GRIP1: variants seen among roughly 807,000 people sequenced by gnomAD.
GRIP1 encodes the protein glutamate receptor-interacting protein 1.
Under a neutral mutation model 129.9 loss-of-function variants are expected in GRIP1, and 45 were observed. The ratio of observed to expected loss-of-function variants is 0.35; its 90% CI spans 0.27 to 0.44. The LOEUF (loss-of-function observed/expected upper bound fraction) is 0.44. Ranked by LOEUF, GRIP1 falls within the 20% of genes least tolerant of loss-of-function variation. The pLI is 1.00. For missense variants in GRIP1, 1,196 were observed against 1,396.8 expected (o/e 0.86, Z 2.29); for synonymous variants, 530 against 520.8 (o/e 1.02, Z -0.24).
intron 1 of GRIP1, among the ~76,000 whole-genome samples, chr12:66,733,934 A>G (rs2036516743): frequency 6.6e-6 from 1 of 152,302 alleles, no homozygotes; most frequent in Admixed American, 6.5e-5. Flanking sequence ...CTGTGGCACT[A>G]TCACCACAGG....
chr12:66,416,942 G>GAC (rs138385858), intron 15 of GRIP1, among the ~76,000 whole-genome samples: 2,207 of 149,360 alleles, frequency 0.015, 49 homozygotes, highest in African/African-American at 0.049. Context: ...ACCAGACAAA[G>GAC]ACACACACAC....
chr12:66,424,570 C>T (rs766236387), intron 14 of GRIP1, among the ~76,000 whole-genome samples: 13 of 152,180 alleles, frequency 8.5e-5, no homozygotes, highest in Non-Finnish European at 1.8e-4. Flanking sequence ...CTTGTCCCCC[C>T]ATTTTCCCAA....
At chr12:67,006,391 C>T (rs889787130) in intron 1 of GRIP1, among the ~76,000 whole-genome samples, 5 of 151,936 alleles carry the variant, frequency 3.3e-5, no homozygotes, top group African/African-American at 1.2e-4. Context: ...ATAGTGAGAC[C>T]CGTCTCTACA....
chr12:66,490,429 C>G (rs907594668), intron 7 of GRIP1, among the ~76,000 whole-genome samples: 1 of 152,066 alleles, frequency 6.6e-6, no homozygotes, highest in Non-Finnish European at 1.5e-5. Context: ...TAGCCATAGG[C>G]AGAAAATTGA....
At chr12:66,355,051 A>G (rs2054413711) in intron 23 of GRIP1, among the ~76,000 whole-genome samples, 1 of 152,178 alleles carries the variant, frequency 6.6e-6, no homozygotes. Flanking sequence ...CCTGCCACTA[A>G]ACATGCACCT....
intron 1 of GRIP1, among the ~76,000 whole-genome samples, chr12:66,991,555 C>T (rs537515729): frequency 6.6e-6 from 1 of 152,302 alleles, no homozygotes; most frequent in Non-Finnish European, 1.5e-5. Context: ...TTTCTGCAAA[C>T]ATCCATCATT....
chr12:66,512,008 A>C (rs1214747868), intron 7 of GRIP1, among the ~76,000 whole-genome samples: 2 of 152,112 alleles, frequency 1.3e-5, no homozygotes, highest in East Asian at 3.9e-4. Flanking sequence ...AGTTCTCACA[A>C]GATCTGATGG....
At chr12:66,454,429 G>C (rs1592353538) in intron 11 of GRIP1, among the ~76,000 whole-genome samples, 1 of 152,118 alleles carries the variant, frequency 6.6e-6, no homozygotes, top group Admixed American at 6.5e-5. Flanking sequence ...CATCAAAAGG[G>C]ATACATGACA....
intron 1 of GRIP1, among the ~76,000 whole-genome samples, chr12:66,744,684 A>G (rs574041328): frequency 6.6e-6 from 1 of 152,250 alleles, no homozygotes; most frequent in Admixed American, 6.5e-5. Context: ...GTCTTTGCAC[A>G]TTAGCCCAGC....
At chr12:66,574,791 T>TTTTTTTCTTTTTTTC (rs2063084808) in intron 2 of GRIP1, among the ~76,000 whole-genome samples, 1 of 113,420 alleles carries the variant, frequency 8.8e-6, no homozygotes, top group African/African-American at 3.3e-5. Flanking sequence ...ACTTTTCTTT[T>TTTTTTTCTTTTTTTC]TTTTTTTTTT....
At chr12:66,806,227 C>CAAG (rs2038990560), upstream of GRIP1, among the ~76,000 whole-genome samples, 1 of 151,906 alleles carries the variant, frequency 6.6e-6, no homozygotes, top group Admixed American at 6.6e-5. Context: ...GTGGTTTGTC[C>CAAG]AAGATCACAA....
intron 1 of GRIP1, among the ~76,000 whole-genome samples, chr12:66,658,655 T>G (rs1408066313): frequency 6.6e-6 from 1 of 151,658 alleles, no homozygotes; most frequent in Admixed American, 6.6e-5. Context: ...ATGCCTGTAA[T>G]CCCAGCATTC....
Position 66,432,610 on chromosome 12 carries a change from C to T in GRIP1, c.1706G>A (p.Ser569Asn). 1 of 1,599,444 alleles carries T rather than the reference C, an allele frequency of 6.3e-7. No homozygotes were observed. Among genetic ancestry groups the T allele is most frequent in the Non-Finnish European group, 8.6e-7 (1 of 1,167,514 alleles). ...FDVAESVIPS[S>N]GTFHVKLPKK... ...AGGCAGCTTTACATGAAATGTTCCA[C>T]TACTTGGGATGACAGACTCTAATAT... Residue 569 changes from serine (S) to asparagine (N), a missense_variant, in exon 14 of 25, where the codon AGT becomes AAT. Physicochemically the swap from Ser to Asn is conservative, Grantham distance 46. Coordinates refer to ENST00000359742, the MANE Select transcript of GRIP1 (RefSeq NM_001366722.1).
intron 1 of GRIP1, among the ~76,000 whole-genome samples, chr12:66,760,278 A>G (rs1003806774): frequency 4.6e-5 from 7 of 152,084 alleles, no homozygotes; most frequent in Non-Finnish European, 1.0e-4. Context: ...CCCAGTTCCA[A>G]AGTCGCTTCC....
chr12:66,658,387 T>C (rs2033295159), intron 1 of GRIP1, among the ~76,000 whole-genome samples: 1 of 152,194 alleles, frequency 6.6e-6, no homozygotes, highest in Non-Finnish European at 1.5e-5. Flanking sequence ...TGTAGTCTTG[T>C]ATTCCTGTAA....
intron 1 of GRIP1, among the ~76,000 whole-genome samples, chr12:66,913,220 C>T (rs1033410367): frequency 6.6e-6 from 1 of 152,188 alleles, no homozygotes; most frequent in Non-Finnish European, 1.5e-5. Context: ...CAAAACTTCT[C>T]AAAGCTTTTA....
intron 1 of GRIP1, among the ~76,000 whole-genome samples, chr12:66,602,498 A>C (rs2064318638): frequency 1.3e-5 from 2 of 152,284 alleles, no homozygotes; most frequent in South Asian, 4.1e-4. Flanking sequence ...CTAGAGTCAG[A>C]AGGCTGCCAA....
intron 1 of GRIP1, among the ~76,000 whole-genome samples, chr12:66,617,464 A>G (rs914202463): frequency 1.3e-5 from 2 of 152,102 alleles, no homozygotes; most frequent in African/African-American, 4.8e-5. Flanking sequence ...CTAATTTAGC[A>G]ATATGAATGC....
At chr12:66,874,331 A>G (rs2040346241) in intron 1 of GRIP1, among the ~76,000 whole-genome samples, 1 of 152,008 alleles carries the variant, frequency 6.6e-6, no homozygotes, top group South Asian at 2.1e-4. Flanking sequence ...ATGATTATGC[A>G]TTGCTTCCAT....
Sources: allele counts gnomAD v4.1 joint callset (sites outside exome capture counted in the v4.1 genomes callset), GRCh38; gene constraint gnomAD v4.1.1; transcripts MANE v1.5; gene names NCBI Gene and HGNC (gene_info 2026-07-23, HGNC 2026-07-21).